SGMS1: variants seen among roughly 807,000 people sequenced by gnomAD.
The protein encoded by SGMS1 is phosphatidylcholine:ceramide cholinephosphotransferase 1.
SGMS1 carries 13 observed loss-of-function variants against 46.2 expected under a neutral mutation model. The observed-to-expected ratio is 0.28, with a 90% CI of 0.18 to 0.45. The LOEUF (loss-of-function observed/expected upper bound fraction) is 0.45. Among genes scored for constraint, SGMS1 ranks in the 20% least tolerant of loss-of-function variants. The probability of loss-of-function intolerance (pLI) is 1.00; values close to 1 mark genes in which losing one functional copy is unlikely to be tolerated. For synonymous variants in SGMS1, 203 were observed against 187.8 expected (o/e 1.08, Z -0.66); for missense variants, 324 against 519.9 (o/e 0.62, Z 3.66).
chr10:50,414,689 G>A (rs1219327047), intron 6 of SGMS1, among the ~76,000 whole-genome samples: 1 of 152,194 alleles, frequency 6.6e-6, no homozygotes, highest in African/African-American at 2.4e-5. Flanking sequence ...CTTGCCCAGA[G>A]TCTGGCTTTG....
At chr10:50,572,891 C>T (rs1412671000) in intron 2 of SGMS1, among the ~76,000 whole-genome samples, 1 of 152,120 alleles carries the variant, frequency 6.6e-6, no homozygotes, top group Admixed American at 6.5e-5. Flanking sequence ...GACCTAGCAC[C>T]CCTAGACTAG....
chr10:50,571,153 C>A (rs185420899), intron 2 of SGMS1, among the ~76,000 whole-genome samples: 68 of 152,256 alleles, frequency 4.5e-4, no homozygotes, highest in African/African-American at 1.3e-3. Context: ...ATAGAATAAC[C>A]AATAGCTGCC....
At chr10:50,564,780 T>C (rs1325009827) in intron 2 of SGMS1, among the ~76,000 whole-genome samples, 1 of 148,238 alleles carries the variant, frequency 6.7e-6, no homozygotes, top group African/African-American at 2.6e-5. Context: ...TTTTTATTTA[T>C]TTATTTTTTA....
intron 6 of SGMS1, among the ~76,000 whole-genome samples, chr10:50,398,383 A>G (rs1848878682): frequency 6.6e-6 from 1 of 152,122 alleles, no homozygotes; most frequent in African/African-American, 2.4e-5. Flanking sequence ...CCTTTAAAAA[A>G]TATTAGCTTT....
chr10:50,492,040 C>T (rs1437113742), intron 3 of SGMS1, among the ~76,000 whole-genome samples: 2 of 152,270 alleles, frequency 1.3e-5, no homozygotes, highest in African/African-American at 4.8e-5. Flanking sequence ...TGTGATTCAT[C>T]ACATAAAAAG....
intron 1 of SGMS1, among the ~76,000 whole-genome samples, chr10:50,622,954 G>A (rs949110054): frequency 1.3e-5 from 2 of 152,226 alleles, no homozygotes; most frequent in Non-Finnish European, 2.9e-5. Flanking sequence ...CTCTGTCACG[G>A]AAAAGCGGCG....
upstream of SGMS1, chr10:50,624,201 C>T (rs1042283918): frequency 1.5e-5 from 12 of 812,618 alleles, no homozygotes; most frequent in Admixed American, 6.2e-5. Flanking sequence ...TAGGGGCCCA[C>T]TAAGTAAGGC....
intron 6 of SGMS1, among the ~76,000 whole-genome samples, chr10:50,426,272 A>C (rs1157957936): frequency 1.3e-5 from 2 of 152,228 alleles, no homozygotes. Flanking sequence ...AAAATGTTTT[A>C]AGAGAAAATT....
intron 2 of SGMS1, among the ~76,000 whole-genome samples, chr10:50,574,435 CAAT>C (rs1838362258): frequency 6.6e-6 from 1 of 152,166 alleles, no homozygotes; most frequent in Non-Finnish European, 1.5e-5. Flanking sequence ...ATCAAAACCA[CAAT>C]GAGATATCAC....
intron 6 of SGMS1, among the ~76,000 whole-genome samples, chr10:50,374,839 T>A (rs1000460075): frequency 2.0e-5 from 3 of 152,296 alleles, no homozygotes; most frequent in African/African-American, 7.2e-5. Flanking sequence ...TCCCCAGATA[T>A]CCTCATAGCT....
intron 6 of SGMS1, among the ~76,000 whole-genome samples, chr10:50,349,657 T>C (rs1248925782): frequency 6.6e-6 from 1 of 152,080 alleles, no homozygotes; most frequent in African/African-American, 2.4e-5. Context: ...GGTGGTCCCC[T>C]TATACTGTTC....
intron 5 of SGMS1, among the ~76,000 whole-genome samples, chr10:50,450,997 A>G (rs1837102177): frequency 9.7e-6 from 1 of 102,578 alleles, no homozygotes; most frequent in South Asian, 2.4e-4. Context: ...GATGCTTTGG[A>G]TTAAGTAATT....
chr10:50,562,896 T>C (rs1838254454), intron 2 of SGMS1, among the ~76,000 whole-genome samples: 1 of 152,194 alleles, frequency 6.6e-6, no homozygotes, highest in South Asian at 2.1e-4. Context: ...CTTTTTCTTG[T>C]GCATCTGCCT....
intron 1 of SGMS1, among the ~76,000 whole-genome samples, chr10:50,594,284 C>A (rs1238528286): frequency 3.3e-5 from 5 of 152,162 alleles, no homozygotes; most frequent in African/African-American, 1.2e-4. Flanking sequence ...CCACACACTG[C>A]CCATGGGTAT....
chr10:50,616,241 G>T (rs567140276), intron 1 of SGMS1, among the ~76,000 whole-genome samples: 14 of 151,674 alleles, frequency 9.2e-5, no homozygotes, highest in African/African-American at 3.2e-4. Flanking sequence ...CAGCCCCCCC[G>T]CCCCAAGTAG....
chr10:50,349,158 A>T (rs1847963900), intron 6 of SGMS1, among the ~76,000 whole-genome samples: 1 of 152,240 alleles, frequency 6.6e-6, no homozygotes, highest in South Asian at 2.1e-4. Context: ...GCTTCTATTA[A>T]CTAACTGGGA....
chr10:50,563,289 G>A (rs1838257652), intron 2 of SGMS1, among the ~76,000 whole-genome samples: 1 of 152,176 alleles, frequency 6.6e-6, no homozygotes, highest in African/African-American at 2.4e-5. Flanking sequence ...CCTACAGGGC[G>A]GGCAGTCTGT....
intron 7 of SGMS1, chr10:50,328,074 A>G (rs1847557548): frequency 2.6e-6 from 1 of 390,446 alleles, no homozygotes; most frequent in African/African-American, 2.2e-5. Context: ...TTTTATTATT[A>G]TTAGGTTCTA....
At chr10:50,308,224 G>A (rs1847204439) in intron 9 of SGMS1, 76 bp from the exon 10 acceptor site, 1 of 1,314,656 alleles carries the variant, frequency 7.6e-7, no homozygotes, top group Non-Finnish European at 1.0e-6. Flanking sequence ...CTCTACTAAT[G>A]CTTCTGAATC....
Sources: allele counts gnomAD v4.1 joint callset (sites outside exome capture counted in the v4.1 genomes callset), GRCh38; gene constraint gnomAD v4.1.1; transcripts MANE v1.5; gene names NCBI Gene and HGNC (gene_info 2026-07-23, HGNC 2026-07-21).